The following AUTS2 variants were observed in gnomAD, a reference collection of about 807,000 sequenced individuals.
AUTS2 encodes activator of transcription and developmental regulator AUTS2.
AUTS2 carries 17 observed loss-of-function variants against 112.4 expected under a neutral mutation model. The ratio of observed to expected loss-of-function variants is 0.15; its 90% confidence interval spans 0.10 to 0.23. The LOEUF (loss-of-function observed/expected upper bound fraction) is 0.23, where lower values mean the gene tolerates loss of function less well. AUTS2 is among the 10% of genes least tolerant of loss of function. AUTS2 has a pLI of 1.00. For synonymous variants in AUTS2, 751 were observed against 702.7 expected (o/e 1.07, Z -1.09); for missense variants, 1,510 against 1,701.6 (o/e 0.89, Z 1.98).
chr7:70,110,929 T>C (rs996215559), intron 2 of AUTS2, among the ~76,000 whole-genome samples: 2 of 140,240 alleles, frequency 1.4e-5, no homozygotes, highest in East Asian at 4.5e-4. Context: ...TGGAGCGCAG[T>C]GGCGCGATCT....
At chr7:70,277,234 A>T (rs1034969392) in intron 4 of AUTS2, among the ~76,000 whole-genome samples, 3 of 152,148 alleles carry the variant, frequency 2.0e-5, no homozygotes, top group African/African-American at 7.2e-5. Context: ...GATGATCGAG[A>T]TTGTGAAGAT....
chr7:70,073,698 G>T (rs1267395948), intron 2 of AUTS2, among the ~76,000 whole-genome samples: 1 of 152,038 alleles, frequency 6.6e-6, no homozygotes, highest in Non-Finnish European at 1.5e-5. Context: ...TGAATTATGT[G>T]GTATATGGAT....
intron 1 of AUTS2, among the ~76,000 whole-genome samples, chr7:69,875,781 C>G (rs370154761): frequency 6.6e-6 from 1 of 152,198 alleles, no homozygotes; most frequent in East Asian, 1.9e-4. Flanking sequence ...AAATGGAACT[C>G]TTTGAAGAGG....
At chr7:69,694,394 A>G (rs1284218465) in intron 1 of AUTS2, among the ~76,000 whole-genome samples, 5 of 152,060 alleles carry the variant, frequency 3.3e-5, no homozygotes, top group Middle Eastern at 3.4e-3. Flanking sequence ...TCTGCAGGTG[A>G]TTTTGATGCC....
intron 1 of AUTS2, among the ~76,000 whole-genome samples, chr7:69,606,431 A>G (rs1335091216): frequency 3.3e-5 from 5 of 152,284 alleles, no homozygotes; most frequent in Admixed American, 6.5e-5. Flanking sequence ...GTATGTGTGC[A>G]CGCACCTGTG....
intron 4 of AUTS2, among the ~76,000 whole-genome samples, chr7:70,320,162 T>C (rs1790186228): frequency 6.6e-6 from 1 of 152,196 alleles, no homozygotes; most frequent in South Asian, 2.1e-4. Flanking sequence ...CCTGTCCTAT[T>C]GGTACTTTTG....
chr7:69,670,555 CAAAAAAAAAAAAA>C (rs200373158), intron 1 of AUTS2, among the ~76,000 whole-genome samples: 105 of 119,058 alleles, frequency 8.8e-4, no homozygotes, highest in African/African-American at 2.9e-3. Flanking sequence ...CTTGATCCCT[CAAAAAAAAAAAAA>C]AAAAAAAAAA....
chr7:70,002,642 C>A (rs533179664), intron 2 of AUTS2, among the ~76,000 whole-genome samples: 4 of 152,102 alleles, frequency 2.6e-5, no homozygotes, highest in African/African-American at 7.2e-5. Context: ...ATGAGACTTA[C>A]GATTTTTAGA....
Position 70,369,418 on chromosome 7 carries a change from A to G in AUTS2, c.661-66334A>G, listed in dbSNP as rs1792736204. On this transcript the variant is annotated intron_variant, in intron 4 of 18. Coordinates refer to ENST00000342771, the MANE Select transcript of AUTS2 (RefSeq NM_015570.4). ...TGTCTTTTATTGCCCTAATTGCTAT[A>G]ATTTTTGGGGAAGAGTTTCATGGAA... 2.0e-5 allele frequency among the ~76,000 whole-genome samples: 3 copies of G among 152,074 alleles called. No individual in the cohort carries two copies. The South Asian group carries it at 6.2e-4, about 32-fold the overall frequency.
intron 2 of AUTS2, among the ~76,000 whole-genome samples, chr7:69,926,784 T>C (rs1464472767): frequency 1.4e-5 from 2 of 146,684 alleles, no homozygotes; most frequent in Non-Finnish European, 3.0e-5. Flanking sequence ...AATAAAGATA[T>C]ATAAATATAT....
intron 4 of AUTS2, among the ~76,000 whole-genome samples, chr7:70,149,098 C>T (rs528630878): frequency 4.3e-4 from 65 of 152,154 alleles, no homozygotes; most frequent in Non-Finnish European, 5.3e-4. Flanking sequence ...GTCAGAACTA[C>T]TTCCATAGTA....
chr7:70,536,572 CTTTTTTTT>C (rs34639179), intron 5 of AUTS2, among the ~76,000 whole-genome samples: 2 of 49,048 alleles, frequency 4.1e-5, no homozygotes, highest in Non-Finnish European at 7.3e-5. Flanking sequence ...GAAGCCAAGG[CTTTTTTTT>C]TTTTTTTTTT....
intron 4 of AUTS2, among the ~76,000 whole-genome samples, chr7:70,237,680 T>G (rs534337015): frequency 6.6e-6 from 1 of 152,184 alleles, no homozygotes; most frequent in Non-Finnish European, 1.5e-5. Context: ...TCCCGTCAAA[T>G]GTATTAATTC....
intron 5 of AUTS2, among the ~76,000 whole-genome samples, chr7:70,564,774 G>T (rs924537031): frequency 3.3e-5 from 5 of 152,040 alleles, no homozygotes; most frequent in African/African-American, 1.2e-4. Context: ...GTTTTTGTGA[G>T]GTTTTTTTAG....
chr7:70,031,545 T>C (rs141389080), intron 2 of AUTS2, among the ~76,000 whole-genome samples: 2 of 152,244 alleles, frequency 1.3e-5, no homozygotes, highest in Non-Finnish European at 2.9e-5. Context: ...TAAAAAGAAT[T>C]AGATGTTAGA....
At chr7:70,629,343 G>C (rs1261357539) in intron 5 of AUTS2, among the ~76,000 whole-genome samples, 1 of 152,114 alleles carries the variant, frequency 6.6e-6, no homozygotes, top group Non-Finnish European at 1.5e-5. Flanking sequence ...GTGGTGGCAG[G>C]CATCTGTAAT....
chr7:70,526,302 A>G (rs1799836559), intron 5 of AUTS2, among the ~76,000 whole-genome samples: 1 of 152,166 alleles, frequency 6.6e-6, no homozygotes, highest in South Asian at 2.1e-4. Context: ...CTCTGCTGAC[A>G]TCGTTTATTC....
intron 1 of AUTS2, among the ~76,000 whole-genome samples, chr7:69,785,989 C>A (rs890172437): frequency 6.6e-6 from 1 of 152,130 alleles, no homozygotes; most frequent in Admixed American, 6.6e-5. Context: ...CGCCACCACG[C>A]CCAGCTAATT....
chr7:69,864,211 C>T (rs1403738637), intron 1 of AUTS2, among the ~76,000 whole-genome samples: 2 of 152,186 alleles, frequency 1.3e-5, no homozygotes, highest in African/African-American at 2.4e-5. Flanking sequence ...AATTCAAATT[C>T]TCAGACATTC....
Sources: gnomAD v4.1 joint callset for allele counts (sites outside exome capture counted in the v4.1 genomes callset) on GRCh38, gnomAD v4.1.1 for gene constraint, MANE v1.5 for transcripts, NCBI Gene and HGNC (gene_info 2026-07-23, HGNC 2026-07-21) for gene names.